TRIM23: variants seen among roughly 807,000 people sequenced by gnomAD.
TRIM23 encodes E3 ubiquitin-protein ligase TRIM23.
A neutral mutation model predicts 71.0 loss-of-function variants in TRIM23; 27 were observed. The ratio of observed to expected loss-of-function variants is 0.38; its 90% CI spans 0.28 to 0.52. The LOEUF is 0.52. Among genes scored for constraint, TRIM23 ranks in the 20% least tolerant of loss-of-function variants. TRIM23 has a pLI of 0.84. For missense variants in TRIM23, 482 were observed against 692.3 expected, an observed-to-expected ratio of 0.70 and a Z score of 3.41; for synonymous variants, 234 against 238.0, an observed-to-expected ratio of 0.98 and a Z score of 0.16.
intron 1 of TRIM23, among the ~76,000 whole-genome samples, chr5:65,619,421 C>A (rs1458306827): frequency 2.0e-5 from 3 of 152,180 alleles, no homozygotes; most frequent in African/African-American, 7.2e-5. Flanking sequence ...GTACCTACTG[C>A]TTACATAAAG....
chr5:65,607,793 C>A (rs1174259516), intron 6 of TRIM23, among the ~76,000 whole-genome samples: 1 of 152,174 alleles, frequency 6.6e-6, no homozygotes, highest in East Asian at 1.9e-4. Context: ...TGACTCCACT[C>A]TGATTTTGCT....
In TRIM23 at chr5:65,598,409, G is replaced by A. The variant is rs929881328; in HGVS notation, c.1180-1229C>T. On this transcript the variant is annotated intron_variant, in intron 7 of 10. Coordinates refer to ENST00000231524, the MANE Select transcript of TRIM23 (RefSeq NM_001656.4). ...CCCATATCCAACATAGTGAGGATGA[G>A]GTGCAACCAGGAGGAAACTACAAAA... is the stretch of plus-strand genomic sequence containing the variant. 1.2e-4 allele frequency among the ~76,000 whole-genome samples: 18 copies of A among 152,246 alleles called. 1 individual carries two copies. The highest frequency in any genetic ancestry group is 8.5e-4 in the Admixed American group (13 of 15,282).
intron 7 of TRIM23, 115 bp from the exon 8 acceptor site, chr5:65,597,295 G>A: frequency 1.8e-6 from 2 of 1,101,734 alleles, no homozygotes; most frequent in Non-Finnish European, 2.6e-6. Flanking sequence ...AATCTGAATT[G>A]TATTCCTCAA....
intron 5 of TRIM23, among the ~76,000 whole-genome samples, chr5:65,610,252 T>A (rs1163856918): frequency 6.6e-6 from 1 of 152,222 alleles, no homozygotes; most frequent in African/African-American, 2.4e-5. Flanking sequence ...ATTTTCTACA[T>A]TTAAAACAAC....
chr5:65,609,180 T>C lies in TRIM23; in HGVS notation c.1044+63A>G, dbSNP rs971273384. ...AATATTAATAAAACACACTAATGTATACCTCTGGTAATTATCTACTTAAAC... is the reference window on the plus strand; with the variant it reads ...AATATTAATAAAACACACTAATGTACACCTCTGGTAATTATCTACTTAAAC... On this transcript the variant is annotated intron_variant, in intron 6 of 10. Coordinates refer to ENST00000231524, the MANE Select transcript of TRIM23 (RefSeq NM_001656.4). 4.6e-6 allele frequency: 7 copies of C among 1,517,174 alleles called. No individual in the cohort carries two copies. The Middle Eastern group carries it at 5.3e-4, about 115-fold the overall frequency. The allele number at this position is 1,517,174 out of a possible 1,614,324, so 94.0% of individuals were successfully genotyped here. A position where few individuals can be genotyped will look rare whatever the true frequency, so the allele number is the denominator to read the frequency against.
At position 65,617,242 on chromosome 5, in the gene TRIM23, A is replaced by G. The variant is rs529303468; in HGVS notation, c.244+851T>C. 1.7e-4 allele frequency among the ~76,000 whole-genome samples: 26 copies of G among 152,302 alleles called. No homozygotes were observed. The South Asian group carries it at 5.4e-3, about 32-fold the overall frequency. ...CTTAAAAATCCTTTTCTTTCTCCAG[A>G]AAATATTTTAAAACCATGTTTCTTA... is the stretch of plus-strand genomic sequence containing the variant. On this transcript the variant is annotated intron_variant, in intron 2 of 10. Transcript: ENST00000231524.
At position 65,611,895 on chromosome 5, in the gene TRIM23, A is replaced by T. The variant is rs770919281; in HGVS notation, c.367-14T>A. The T allele has an allele frequency of 1.1e-5, 17 of 1,602,762 alleles. No individual in the cohort carries two copies. In the East Asian group the frequency reaches 3.8e-4, roughly 36 times the overall value. On this transcript the variant is annotated splice_polypyrimidine_tract_variant and intron_variant, in intron 3 of 10. Coordinates refer to ENST00000231524, the MANE Select transcript of TRIM23 (RefSeq NM_001656.4). ...ACGAATGATGCTCTGATAAACAAAAAATTAATGCCTTAAAATTGAACCCAA... is the reference window on the plus strand; with the variant it reads ...ACGAATGATGCTCTGATAAACAAAATATTAATGCCTTAAAATTGAACCCAA...
chr5:65,612,900 T>A (rs1201398511), intron 3 of TRIM23, among the ~76,000 whole-genome samples: 1 of 152,092 alleles, frequency 6.6e-6, no homozygotes, highest in Non-Finnish European at 1.5e-5. Flanking sequence ...TTACAAAAAA[T>A]AACTAATTAT....
At chr5:65,613,382 C>T (rs1482479014) in intron 3 of TRIM23, among the ~76,000 whole-genome samples, 2 of 152,180 alleles carry the variant, frequency 1.3e-5, no homozygotes, top group Non-Finnish European at 2.9e-5. Flanking sequence ...AGCAATCCGA[C>T]ATTTTTTTTC....
chr5:65,624,124 T>G (rs1335909891), intron 1 of TRIM23, 70 bp downstream of exon 1: 1 of 1,594,714 alleles, frequency 6.3e-7, no homozygotes, highest in Non-Finnish European at 8.6e-7. Flanking sequence ...GCCGCGGCGA[T>G]GCCGCCAGGT....
chr5:65,596,645 G>T, intron 8 of TRIM23, 114 bp from the exon 9 acceptor site: 1 of 675,658 alleles, frequency 1.5e-6, no homozygotes, highest in Non-Finnish European at 2.5e-6. Flanking sequence ...TCTACATGCA[G>T]CAATATCTAC....
Position 65,591,488 on chromosome 5 carries a change from A to G in TRIM23, c.*281T>C, listed in dbSNP as rs1561738507. 1 of 1,584,076 alleles carries G rather than the reference A, an allele frequency of 6.3e-7. No individual in the cohort carries two copies. Among genetic ancestry groups the G allele is most frequent in the Admixed American group, 1.8e-5 (1 of 55,686 alleles). ...ACCTCTTTCCCAGTATATTGGTCAC[A>G]TATTATCTGAAAAACTTAAATAACA... On this transcript the variant is annotated 3_prime_UTR_variant, in exon 11 of 11. Coordinates refer to ENST00000231524, the MANE Select transcript of TRIM23 (RefSeq NM_001656.4).
chr5:65,606,600 C>G (rs1754513968), intron 6 of TRIM23, among the ~76,000 whole-genome samples: 3 of 152,188 alleles, frequency 2.0e-5, no homozygotes, highest in Non-Finnish European at 4.4e-5. Flanking sequence ...GTCAAGAGGC[C>G]TATTTTCCTG....
chr5:65,604,487 A>G (rs545256892), intron 7 of TRIM23, among the ~76,000 whole-genome samples: 3 of 152,242 alleles, frequency 2.0e-5, no homozygotes, highest in East Asian at 1.9e-4. Flanking sequence ...AAATAATATG[A>G]TATTAGGATT....
chr5:65,594,686 C>A, intron 9 of TRIM23, 41 bp from the exon 10 acceptor site: 2 of 1,497,066 alleles, frequency 1.3e-6, no homozygotes, highest in East Asian at 2.4e-5. Context: ...TAGTCACTTG[C>A]TAAAGTTCAG....
intron 7 of TRIM23, among the ~76,000 whole-genome samples, chr5:65,602,529 C>G (rs1754388894): frequency 6.6e-6 from 1 of 152,192 alleles, no homozygotes; most frequent in Non-Finnish European, 1.5e-5. Context: ...CTACCTGTTA[C>G]CCAGTTCCAA....
chr5:65,621,820 T>TTTA (rs886220980), intron 1 of TRIM23, among the ~76,000 whole-genome samples: 1 of 151,720 alleles, frequency 6.6e-6, no homozygotes, highest in South Asian at 2.1e-4. Flanking sequence ...TATGTTGTTA[T>TTTA]TTATTATTAT....
intron 7 of TRIM23, among the ~76,000 whole-genome samples, chr5:65,604,230 G>A (rs1182046160): frequency 6.6e-6 from 1 of 152,018 alleles, no homozygotes; most frequent in Non-Finnish European, 1.5e-5. Context: ...CCAAGTAGCT[G>A]GGATTATAGG....
rs569947122 is a variant in TRIM23, at chr5:65,591,832, C to T, written c.1662G>A (p.Leu554=). ...QGCDARSGMG[L]YEGLDWLSRQ... Reference sequence around the variant, plus strand: ...GTGAGAGCCAGTCCAACCCTTCATACAGTCCCATACCACTTCGAGCATCAC... The same window carrying T: ...GTGAGAGCCAGTCCAACCCTTCATATAGTCCCATACCACTTCGAGCATCAC... Residue 554 remains leucine (L), a synonymous_variant, in exon 11 of 11, where the codon CTG becomes CTA. Transcript: ENST00000231524. 2.5e-6 allele frequency: 4 copies of T among 1,613,558 alleles called. No individual in the cohort carries two copies. The South Asian group carries it at 3.3e-5, about 13-fold the overall frequency.
Sources: gnomAD v4.1 joint callset for allele counts (sites outside exome capture counted in the v4.1 genomes callset) on GRCh38, gnomAD v4.1.1 for gene constraint, MANE v1.5 for transcripts, NCBI Gene and HGNC (gene_info 2026-07-23, HGNC 2026-07-21) for gene names.